The following ADGRV1 variants were observed in gnomAD, a reference collection of about 807,000 sequenced individuals.
ADGRV1 encodes G-protein coupled receptor 98.
In ADGRV1, 359 loss-of-function variants were observed where a neutral mutation model predicts 596.2. That is an observed-to-expected ratio of 0.60 (90% confidence interval 0.55 to 0.66). The LOEUF is 0.66. ADGRV1 is among the 30% of genes least tolerant of loss of function. The probability of loss-of-function intolerance (pLI) is 0.00; values close to 1 mark genes in which losing one functional copy is unlikely to be tolerated. For missense variants in ADGRV1, 7,274 were observed against 7,575.6 expected (o/e 0.96, Z 1.48); for synonymous variants, 2,681 against 2,679.2 (o/e 1.00, Z -0.02).
At chr5:90,810,202 C>A in intron 73 of ADGRV1, 31 bp from the exon 74 acceptor site, 3 of 1,490,654 alleles carry the variant, frequency 2.0e-6, no homozygotes, top group South Asian at 2.7e-5. Flanking sequence ...TTTAAAAAAT[C>A]AATTTCTTCA....
intron 83 of ADGRV1, among the ~76,000 whole-genome samples, chr5:90,944,464 G>A (rs10076358): frequency 0.011 from 1,661 of 152,240 alleles, 35 homozygotes; most frequent in African/African-American, 0.038. Flanking sequence ...GTTTTGAAGA[G>A]AGAATTATAA....
chr5:90,600,282 C>T (rs1029533116), intron 1 of ADGRV1, among the ~76,000 whole-genome samples: 5 of 152,156 alleles, frequency 3.3e-5, no homozygotes, highest in African/African-American at 9.7e-5. Flanking sequence ...TTAGGTATTT[C>T]TCCTAATGCT....
chr5:90,978,715 C>T (rs1253177504), intron 84 of ADGRV1, among the ~76,000 whole-genome samples: 1 of 151,826 alleles, frequency 6.6e-6, no homozygotes, highest in Non-Finnish European at 1.5e-5. Flanking sequence ...CTATTGTGTA[C>T]CCATTTTAAT....
intron 31 of ADGRV1, 63 bp downstream of exon 31, chr5:90,691,104 C>T: frequency 1.3e-6 from 2 of 1,578,740 alleles, no homozygotes; most frequent in Non-Finnish European, 1.7e-6. Flanking sequence ...GTGACTAGAA[C>T]AGATGGCCAT....
chr5:91,010,881 A>G (rs1782667705), intron 85 of ADGRV1, among the ~76,000 whole-genome samples: 1 of 151,910 alleles, frequency 6.6e-6, no homozygotes, highest in Non-Finnish European at 1.5e-5. Flanking sequence ...CCACTAAACT[A>G]TAAGTTCCCT....
At chr5:90,711,349 A>T in intron 41 of ADGRV1, 27 bp downstream of exon 41, 1 of 1,544,132 alleles carries the variant, frequency 6.5e-7, no homozygotes, top group Non-Finnish European at 8.8e-7. Flanking sequence ...ATCACAGATG[A>T]CTTTTACAAA....
At chr5:90,691,661 A>C (rs1467448859) in intron 31 of ADGRV1, among the ~76,000 whole-genome samples, 1 of 152,160 alleles carries the variant, frequency 6.6e-6, no homozygotes, top group African/African-American at 2.4e-5. Flanking sequence ...CTGGGATTAC[A>C]AGCATGAGCC....
chr5:90,807,815 A>G (rs1293623414), intron 73 of ADGRV1, 78 bp downstream of exon 73: 3 of 1,283,160 alleles, frequency 2.3e-6, no homozygotes, highest in South Asian at 1.7e-5. Flanking sequence ...AGAAAAAGGC[A>G]CAAGGGTTAT....
rs781095047 is a variant in ADGRV1, at chr5:90,637,843, G to C, written c.2135G>C (p.Gly712Ala). 2.5e-6 allele frequency: 4 copies of C among 1,613,614 alleles called. No individual in the cohort carries two copies. In the African/African-American group the frequency reaches 4.0e-5, roughly 16 times the overall value. ...VTPDDIGPFN[G>A]SVLFLSGQSD... Reference sequence around the variant, plus strand: ...CCGGATGATATAGGCCCCTTTAATGGCTCTGTTTTGTTTTTATCTGGGCAA... The same window carrying C: ...CCGGATGATATAGGCCCCTTTAATGCCTCTGTTTTGTTTTTATCTGGGCAA... The change falls in exon 11 of 90, where the codon GGC (glycine) becomes GCC (alanine). Residue 712 changes from glycine (G) to alanine (A), a missense_variant. Physicochemically the swap from Gly to Ala is moderately conservative, Grantham distance 60 (BLOSUM62 0). Around this residue, in one of 5 missense-constraint regions of ADGRV1, gnomAD observed 1,715 missense variants for 1,708.8 expected, o/e 1.00. Transcript: ENST00000405460.
intron 82 of ADGRV1, among the ~76,000 whole-genome samples, chr5:90,863,246 C>G (rs537540548): frequency 6.6e-6 from 1 of 152,304 alleles, no homozygotes; most frequent in African/African-American, 2.4e-5. Context: ...TGCTAAGGTT[C>G]TAACTATCCC....
intron 86 of ADGRV1, among the ~76,000 whole-genome samples, chr5:91,075,851 T>C (rs10037172): frequency 0.79 from 119,432 of 152,094 alleles, 47,016 homozygotes; most frequent in South Asian, 0.82. Flanking sequence ...TTCCACGGTC[T>C]GACCCAGGAC....
At chr5:90,905,030 T>TGAAAACAAGCTCACTGTAGGTGTGTG (rs1772186327) in intron 83 of ADGRV1, among the ~76,000 whole-genome samples, 1 of 152,050 alleles carries the variant, frequency 6.6e-6, no homozygotes, top group Non-Finnish European at 1.5e-5. Context: ...GCCCCTTTGT[T>TGAAAACAAGCTCACTGTAGGTGTGTG]GAAAACAAGC....
chr5:90,913,368 T>C (rs1165029119), intron 83 of ADGRV1, among the ~76,000 whole-genome samples: 1 of 152,228 alleles, frequency 6.6e-6, no homozygotes, highest in South Asian at 2.1e-4. Context: ...CTTTTTACTA[T>C]AATTATCCTG....
At chr5:91,033,998 C>T (rs1175032077) in intron 85 of ADGRV1, among the ~76,000 whole-genome samples, 1 of 152,074 alleles carries the variant, frequency 6.6e-6, no homozygotes, top group African/African-American at 2.4e-5. Flanking sequence ...TTTAAAGTCA[C>T]CAAATATTTT....
intron 1 of ADGRV1, among the ~76,000 whole-genome samples, chr5:90,607,080 G>T (rs544673845): frequency 1.3e-5 from 2 of 151,996 alleles, no homozygotes; most frequent in Admixed American, 6.6e-5. Context: ...TACAGAAAAG[G>T]GTTTTCAAAC....
rs113872593 is a variant in ADGRV1, at chr5:90,681,891, G to A, written c.5664+437G>A. Among the ~76,000 whole-genome samples the A allele has an allele frequency of 2.1e-4, 29 of 138,390 alleles. 1 individual carries two copies. Among genetic ancestry groups the A allele is most frequent in the African/African-American group, 7.4e-4 (27 of 36,318 alleles). The allele number at this position is 138,390 out of a possible 152,430, so 90.8% of individuals were successfully genotyped here. On this transcript the variant is annotated intron_variant, in intron 27 of 89. Transcript: ENST00000405460. ...CTTTCTTTCTTTCTTTTTTCGAGAC[G>A]GAGTTTCGCTCTTGTTGCCCAGTGG...
At chr5:91,067,200 A>G (rs928967266) in intron 85 of ADGRV1, among the ~76,000 whole-genome samples, 14 of 132,142 alleles carry the variant, frequency 1.1e-4, no homozygotes, top group Admixed American at 3.0e-4. Flanking sequence ...GCTGGAGTGC[A>G]ATGGCGTGAT....
Position 90,829,179 on chromosome 5 carries a change from G to GTA in ADGRV1, c.16605_16606dup (p.Thr5536IlefsTer5). On this transcript the variant is annotated frameshift_variant, in exon 77 of 90. Coordinates refer to ENST00000405460, the MANE Select transcript of ADGRV1 (RefSeq NM_032119.4). LOFTEE classifies it high-confidence loss of function. Reference sequence around the variant, plus strand: ...GGACTAATGATGTCTGTTAACTTTAGTACCCAGGTAAGCATGGAATATATA... The same window carrying GTA: ...GGACTAATGATGTCTGTTAACTTTAGTATACCCAGGTAAGCATGGAATATATA... 1 of 1,517,806 alleles carries GTA rather than the reference G, an allele frequency of 6.6e-7. No individual in the cohort carries two copies. Among genetic ancestry groups the GTA allele is most frequent in the South Asian group, 1.4e-5 (1 of 72,274 alleles). The allele number at this position is 1,517,806 out of a possible 1,614,324, so 94.0% of individuals were successfully genotyped here. A position where few individuals can be genotyped will look rare whatever the true frequency, so the allele number is the denominator to read the frequency against.
chr5:90,670,914 G>T (rs1320989046), intron 21 of ADGRV1, among the ~76,000 whole-genome samples: 1 of 152,200 alleles, frequency 6.6e-6, no homozygotes, highest in Non-Finnish European at 1.5e-5. Flanking sequence ...AAGGCATAAA[G>T]AATGCCAGCT....
Sources: gnomAD v4.1 joint callset for allele counts (sites outside exome capture counted in the v4.1 genomes callset) on GRCh38, gnomAD v4.1.1 for gene constraint, gnomAD v4.1.1 regional missense constraint, MANE v1.5 for transcripts, NCBI Gene and HGNC (gene_info 2026-07-23, HGNC 2026-07-21) for gene names.